TENM2: variants seen among roughly 807,000 people sequenced by gnomAD.
The protein encoded by TENM2 is teneurin-2.
In TENM2, 52 loss-of-function variants were observed where a neutral mutation model predicts 245.2. That is an observed-to-expected ratio of 0.21 (90% CI 0.17 to 0.27). The LOEUF is 0.27. Ranked by LOEUF, TENM2 falls within the 10% of genes least tolerant of loss-of-function variation. TENM2 has a pLI of 1.00. For missense variants in TENM2, 3,046 were observed against 3,666.8 expected (o/e 0.83, Z 4.37); for synonymous variants, 1,363 against 1,438.9 (o/e 0.95, Z 1.19).
At chr5:168,056,613 G>T (rs865810133) in intron 6 of TENM2, among the ~76,000 whole-genome samples, 1 of 152,130 alleles carries the variant, frequency 6.6e-6, no homozygotes, top group Non-Finnish European at 1.5e-5. Context: ...TATTAAGTTA[G>T]TGTAGCCTAA....
intron 2 of TENM2, among the ~76,000 whole-genome samples, chr5:167,786,733 C>T (rs1006869942): frequency 6.6e-6 from 1 of 152,188 alleles, no homozygotes; most frequent in South Asian, 2.1e-4. Flanking sequence ...GTCATGCTTC[C>T]ACTTCACACT....
At chr5:168,004,816 G>C (rs1784699901) in intron 5 of TENM2, among the ~76,000 whole-genome samples, 1 of 144,886 alleles carries the variant, frequency 6.9e-6, no homozygotes, top group Admixed American at 7.1e-5. Flanking sequence ...GATTTATCCT[G>C]CTCTGTCACG....
chr5:167,985,193 G>A (rs1169929639), intron 4 of TENM2, among the ~76,000 whole-genome samples: 5 of 152,134 alleles, frequency 3.3e-5, no homozygotes, highest in Admixed American at 3.3e-4. Context: ...CCCTCACTGA[G>A]CACCACAGCC....
the TENM2 span, among the ~76,000 whole-genome samples, chr5:167,036,120 A>C: frequency 6.6e-6 from 1 of 152,222 alleles, no homozygotes; most frequent in African/African-American, 2.4e-5. Flanking sequence ...AAGGAAGATC[A>C]GTTTTGGGTA....
At chr5:168,257,239 C>T (rs931625811) in intron 27 of TENM2, among the ~76,000 whole-genome samples, 2 of 146,640 alleles carry the variant, frequency 1.4e-5, no homozygotes, top group Non-Finnish European at 3.0e-5. Context: ...TTTGGGGGGA[C>T]ATGAGCAAGG....
At chr5:168,238,495 G>C (rs146741963) in intron 25 of TENM2, among the ~76,000 whole-genome samples, 107 of 152,248 alleles carry the variant, frequency 7.0e-4, no homozygotes, top group Non-Finnish European at 1.4e-3. Flanking sequence ...ATGGGCAAAG[G>C]GTTCTTCTAT....
intron 3 of TENM2, among the ~76,000 whole-genome samples, chr5:167,948,590 T>C (rs1779829164): frequency 6.6e-6 from 1 of 152,242 alleles, no homozygotes; most frequent in Non-Finnish European, 1.5e-5. Flanking sequence ...TTCCAGGTTC[T>C]GGACTGAAGG....
intron 1 of TENM2, among the ~76,000 whole-genome samples, chr5:167,358,359 C>T (rs900895162): frequency 6.6e-6 from 1 of 152,168 alleles, no homozygotes; most frequent in African/African-American, 2.4e-5. Flanking sequence ...CCATCAGCAA[C>T]ATTTGCAACA....
intron 2 of TENM2, among the ~76,000 whole-genome samples, chr5:167,532,476 T>C (rs1771573435): frequency 6.6e-6 from 1 of 152,110 alleles, no homozygotes; most frequent in South Asian, 2.1e-4. Context: ...AGTCACGTCT[T>C]ACGTGGATGG....
chr5:167,724,563 G>A (rs13164274), intron 2 of TENM2, among the ~76,000 whole-genome samples: 2 of 152,194 alleles, frequency 1.3e-5, no homozygotes, highest in East Asian at 1.9e-4. Flanking sequence ...AGGAGATGAC[G>A]AATTCAGTAA....
intron 1 of TENM2, among the ~76,000 whole-genome samples, chr5:167,311,298 A>G (rs1270523539): frequency 1.3e-5 from 2 of 152,376 alleles, no homozygotes; most frequent in Non-Finnish European, 2.9e-5. Context: ...TAATAAGTGT[A>G]TAAAGAAGAA....
chr5:167,358,293 C>G (rs572167075), intron 1 of TENM2, among the ~76,000 whole-genome samples: 1 of 152,182 alleles, frequency 6.6e-6, no homozygotes, highest in African/African-American at 2.4e-5. Flanking sequence ...GCCAAGGTCA[C>G]CAATGATTAC....
chr5:167,150,269 C>G, the TENM2 span, among the ~76,000 whole-genome samples: 1 of 152,096 alleles, frequency 6.6e-6, no homozygotes, highest in Admixed American at 6.6e-5. Flanking sequence ...TTTTAAAGGC[C>G]ATTTAAATGG....
In TENM2 at chr5:168,109,778, G is replaced by T. The variant is rs550290223; in HGVS notation, c.1814-8514G>T. Among the ~76,000 whole-genome samples, 153 of 152,316 alleles carry T rather than the reference G, an allele frequency of 1.0e-3. 1 individual carries two copies. Among genetic ancestry groups the T allele is most frequent in the Middle Eastern group, 3.4e-3 (1 of 294 alleles). ...GCTTGGACTGCCCAAAGAGAACAGAGATCGAGGCAGTCGCATCACTTTTGA... is the reference window on the plus strand; with the variant it reads ...GCTTGGACTGCCCAAAGAGAACAGATATCGAGGCAGTCGCATCACTTTTGA... On this transcript the variant is annotated intron_variant, in intron 9 of 28. Coordinates refer to ENST00000518659, the Ensembl canonical transcript of TENM2.
intron 2 of TENM2, among the ~76,000 whole-genome samples, chr5:167,859,665 C>T (rs1190884821): frequency 9.0e-6 from 1 of 111,538 alleles, no homozygotes; most frequent in Non-Finnish European, 1.8e-5. Flanking sequence ...GGTGCCTCTG[C>T]CCAGCCGCCC....
intron 2 of TENM2, among the ~76,000 whole-genome samples, chr5:167,685,490 A>G (rs936456973): frequency 1.3e-5 from 2 of 152,018 alleles, no homozygotes; most frequent in Non-Finnish European, 2.9e-5. Flanking sequence ...CCCCGATGTG[A>G]TCTTTCACAT....
intron 27 of TENM2, among the ~76,000 whole-genome samples, chr5:168,258,036 A>C (rs1361516674): frequency 1.3e-5 from 2 of 152,190 alleles, no homozygotes; most frequent in Non-Finnish European, 2.9e-5. Context: ...AGGCAGTGGA[A>C]GTGGCGAGAG....
the TENM2 span, among the ~76,000 whole-genome samples, chr5:167,212,697 A>C: frequency 6.6e-6 from 1 of 152,232 alleles, no homozygotes; most frequent in Non-Finnish European, 1.5e-5. Context: ...GCTTCATTTT[A>C]TAGAAGCTGA....
At chr5:167,276,363 T>C in the TENM2 span, among the ~76,000 whole-genome samples, 9 of 140,460 alleles carry the variant, frequency 6.4e-5, no homozygotes, top group Non-Finnish European at 1.1e-4. Flanking sequence ...TGTGTGTGTG[T>C]GTGTGTGTGT....
Sources: gnomAD v4.1 joint callset for allele counts (sites outside exome capture counted in the v4.1 genomes callset) on GRCh38, gnomAD v4.1.1 for gene constraint, MANE v1.5 for transcripts, NCBI Gene and HGNC (gene_info 2026-07-23, HGNC 2026-07-21) for gene names.